Variants in FOXP2 observed in about 807,000 individuals in gnomAD.
FOXP2 encodes the protein forkhead box P2, also known as forkhead box protein P2.
Under a neutral mutation model 115.8 loss-of-function variants are expected in FOXP2, and 12 were observed. That is an observed-to-expected ratio of 0.10 (90% CI 0.07 to 0.17). The LOEUF (loss-of-function observed/expected upper bound fraction) is 0.17, where lower values mean the gene tolerates loss of function less well. FOXP2 is among the 10% of genes least tolerant of loss of function. The pLI is 1.00. For missense variants in FOXP2, 629 were observed against 843.5 expected, an observed-to-expected ratio of 0.75 and a Z score of 3.15; for synonymous variants, 328 against 297.7, an observed-to-expected ratio of 1.10 and a Z score of -1.05.
rs112235524 is a variant in FOXP2 at position 114,255,328 on chromosome 7, G to A, written c.-101-32691G>A. ...TACTCTTTTCAAAGCTGTCAGACAG[G>A]GACATTTAAGTCTGCAGTGGTTTCT... is the stretch of plus-strand genomic sequence containing the variant. On this transcript the variant is annotated intron_variant, in intron 1 of 17. Transcript: ENST00000634411. Among the ~76,000 whole-genome samples the A allele has an allele frequency of 4.9e-3, 751 of 152,236 alleles. 8 individuals carry two copies. Among genetic ancestry groups the A allele is most frequent in the African/African-American group, 0.016 (679 of 41,544 alleles).
intron 3 of FOXP2, among the ~76,000 whole-genome samples, chr7:114,623,007 C>A (rs2129324327): frequency 6.6e-6 from 1 of 151,876 alleles, no homozygotes; most frequent in Middle Eastern, 3.4e-3. Flanking sequence ...TTTTATGGTG[C>A]ACCTGTCTCC....
intron 16 of FOXP2, among the ~76,000 whole-genome samples, chr7:114,684,390 C>A (rs1327233341): frequency 6.6e-6 from 1 of 152,160 alleles, no homozygotes; most frequent in African/African-American, 2.4e-5. Context: ...TATATTAAAA[C>A]ACACTCCTGC....
chr7:114,673,771 C>T (rs533356703), intron 16 of FOXP2, among the ~76,000 whole-genome samples: 5 of 152,230 alleles, frequency 3.3e-5, no homozygotes, highest in South Asian at 2.1e-4. Context: ...ACGATGTCAG[C>T]TCAATGCAAC....
intron 3 of FOXP2, among the ~76,000 whole-genome samples, chr7:114,547,173 A>G (rs1041361360): frequency 3.9e-5 from 6 of 152,102 alleles, no homozygotes; most frequent in Admixed American, 3.9e-4. Flanking sequence ...ACTATTTCTA[A>G]TGATTCCTTT....
chr7:114,094,994 T>C (rs1799613614), intron 1 of FOXP2, among the ~76,000 whole-genome samples: 1 of 152,182 alleles, frequency 6.6e-6, no homozygotes. Context: ...TCTCCTTTCC[T>C]TGTTGCGAGT....
chr7:114,483,966 A>G lies in FOXP2; in HGVS notation c.169-50651A>G, dbSNP rs147961579. Among the ~76,000 whole-genome samples, 6 of 151,874 alleles carry G rather than the reference A, an allele frequency of 4.0e-5. No homozygotes were observed. In the East Asian group the frequency reaches 1.2e-3, roughly 29 times the overall value. ...TACTATAAGACATGAGAGCATTTTA[A>G]ATTCCTACTCAATTAAGCTTTAAAT... On this transcript the variant is annotated intron_variant, in intron 2 of 16. Coordinates refer to ENST00000350908, the MANE Select transcript of FOXP2 (RefSeq NM_014491.4).
chr7:114,423,886 T>G (rs575990756), intron 1 of FOXP2, among the ~76,000 whole-genome samples: 9 of 151,538 alleles, frequency 5.9e-5, no homozygotes, highest in Non-Finnish European at 1.3e-4. Flanking sequence ...ATGTACAGTA[T>G]AATCATCTAA....
In FOXP2 at chr7:114,147,150, C is replaced by A. The variant is rs114707637; in HGVS notation, c.-246-15794C>A. Reference sequence around the variant, plus strand: ...CAAATCAGCTACTTGTTAATTTATTCTTGGTTAAGTTATTTAATTCATTTT... The same window carrying A: ...CAAATCAGCTACTTGTTAATTTATTATTGGTTAAGTTATTTAATTCATTTT... On this transcript the variant is annotated intron_variant, in intron 1 of 19. Coordinates refer to the FOXP2 transcript ENST00000635638. 9.6e-3 allele frequency among the ~76,000 whole-genome samples: 1,461 copies of A among 152,078 alleles called. 32 individuals are homozygous for A. Among genetic ancestry groups the A allele is most frequent in the African/African-American group, 0.033 (1,389 of 41,470 alleles).
Position 114,427,729 on chromosome 7 carries a change from A to C in FOXP2, c.168+1050A>C, listed in dbSNP as rs142034767. On this transcript the variant is annotated intron_variant, in intron 2 of 16. Coordinates refer to ENST00000350908, the MANE Select transcript of FOXP2 (RefSeq NM_014491.4). ...AAAATACATCTCAAAAGTTAAAGCA[A>C]ATGCCCACACTAGAGTAAAATTTAA... Among the ~76,000 whole-genome samples the C allele has an allele frequency of 3.0e-3, 456 of 151,642 alleles. 1 individual carries two copies. Among genetic ancestry groups the C allele is most frequent in the African/African-American group, 0.011 (444 of 41,478 alleles).
intron 2 of FOXP2, among the ~76,000 whole-genome samples, chr7:114,510,414 A>G (rs1798013779): frequency 6.6e-6 from 1 of 152,164 alleles, no homozygotes; most frequent in Non-Finnish European, 1.5e-5. Context: ...AATGGGTTGG[A>G]AAAGGATGGC....
chr7:114,099,352 C>G (rs1584478145), intron 1 of FOXP2, among the ~76,000 whole-genome samples: 1 of 152,202 alleles, frequency 6.6e-6, no homozygotes, highest in Admixed American at 6.5e-5. Context: ...AGTATGGCTA[C>G]TATCAAAAAG....
chr7:114,459,609 G>T (rs1795471324), intron 2 of FOXP2, among the ~76,000 whole-genome samples: 2 of 151,960 alleles, frequency 1.3e-5, no homozygotes, highest in South Asian at 4.1e-4. Context: ...TTTTTTGTTT[G>T]TTTTTGTTTG....
chr7:114,405,677 G>A (rs1793018841), intron 2 of FOXP2, among the ~76,000 whole-genome samples: 1 of 151,838 alleles, frequency 6.6e-6, no homozygotes, highest in African/African-American at 2.4e-5. Context: ...AAATGAAAAT[G>A]GGTGTAGTGT....
chr7:114,449,316 A>G (rs956748274), intron 2 of FOXP2, among the ~76,000 whole-genome samples: 2 of 152,132 alleles, frequency 1.3e-5, no homozygotes, highest in Non-Finnish European at 2.9e-5. Context: ...AAAATGTATA[A>G]AATGTTGTAT....
chr7:114,652,184 G>T lies in FOXP2; in HGVS notation c.1095-19G>T. 1 of 1,611,124 alleles carries T rather than the reference G, an allele frequency of 6.2e-7. No individual in the cohort carries two copies. ...TCGACATCACTTTACATTCTGTTTT[G>T]TGTCTTCTGTTTGTTTAGGCACCTT... On this transcript the variant is annotated intron_variant, in intron 8 of 16. Transcript: ENST00000350908.
At chr7:114,222,112 G>A (rs551793995) in intron 1 of FOXP2, among the ~76,000 whole-genome samples, 6 of 152,186 alleles carry the variant, frequency 3.9e-5, no homozygotes, top group Non-Finnish European at 8.8e-5. Flanking sequence ...GCACAGTATA[G>A]TTGTTTGATA....
At chr7:114,544,097 T>G (rs1490141552) in intron 3 of FOXP2, among the ~76,000 whole-genome samples, 2 of 152,086 alleles carry the variant, frequency 1.3e-5, no homozygotes, top group Non-Finnish European at 2.9e-5. Context: ...CTCAAGTGAT[T>G]CTTCTGCCTC....
intron 1 of FOXP2, among the ~76,000 whole-genome samples, chr7:114,197,791 T>C (rs2129158800): frequency 6.6e-6 from 1 of 152,268 alleles, no homozygotes; most frequent in Admixed American, 6.5e-5. Flanking sequence ...TTTGGGAAAT[T>C]CAAATGTGAT....
chr7:114,144,952 C>G (rs1792326725), intron 1 of FOXP2, among the ~76,000 whole-genome samples: 1 of 152,030 alleles, frequency 6.6e-6, no homozygotes, highest in South Asian at 2.1e-4. Context: ...TGTTAGTTGC[C>G]TTGTTGGAGC....
Sources: gnomAD v4.1 joint callset for allele counts (sites outside exome capture counted in the v4.1 genomes callset) on GRCh38, gnomAD v4.1.1 for gene constraint, MANE v1.5 for transcripts, NCBI Gene and HGNC (gene_info 2026-07-23, HGNC 2026-07-21) for gene names.